PDS5B: variants seen among roughly 807,000 people sequenced by gnomAD.
The protein encoded by PDS5B is PDS5 cohesin associated factor B, also known as sister chromatid cohesion protein PDS5 homolog B.
Under a neutral mutation model 184.1 loss-of-function variants are expected in PDS5B, and 51 were observed. The observed-to-expected ratio is 0.28, with a 90% confidence interval of 0.22 to 0.35. The LOEUF is 0.35. Ranked by LOEUF, PDS5B falls within the 10% of genes least tolerant of loss-of-function variation. PDS5B has a pLI of 1.00. For synonymous variants in PDS5B, 566 were observed against 569.2 expected (o/e 0.99, Z 0.08); for missense variants, 1,180 against 1,723.3 (o/e 0.68, Z 5.58).
intron 6 of PDS5B, among the ~76,000 whole-genome samples, chr13:32,666,131 A>G (rs1048528364): frequency 3.3e-5 from 5 of 152,170 alleles, no homozygotes; most frequent in Non-Finnish European, 7.3e-5. Context: ...CCCAGGCTGG[A>G]GTGCAGTGGT....
intron 1 of PDS5B, among the ~76,000 whole-genome samples, chr13:32,598,071 TC>T (rs2140475337): frequency 6.6e-6 from 1 of 152,120 alleles, no homozygotes; most frequent in African/African-American, 2.4e-5. Flanking sequence ...TTTAATTAAA[TC>T]AAATTAATTA....
At chr13:32,605,721 T>A (rs1306183385) in intron 1 of PDS5B, among the ~76,000 whole-genome samples, 1 of 152,158 alleles carries the variant, frequency 6.6e-6, no homozygotes, top group Non-Finnish European at 1.5e-5. Context: ...TTTGTAGGTG[T>A]CTAAGGACTT....
At chr13:32,759,876 C>T (rs7987745) in intron 29 of PDS5B, among the ~76,000 whole-genome samples, 186 bp downstream of exon 29, 310 of 152,098 alleles carry the variant, frequency 2.0e-3, no homozygotes, top group African/African-American at 7.3e-3. Flanking sequence ...AGCTGAAATA[C>T]ACAAATTACT....
intron 1 of PDS5B, among the ~76,000 whole-genome samples, chr13:32,600,175 A>G (rs936997136): frequency 6.6e-6 from 1 of 152,078 alleles, no homozygotes; most frequent in Admixed American, 6.6e-5. Context: ...TTTTCTTTTA[A>G]GTCTTTGAAT....
intron 21 of PDS5B, among the ~76,000 whole-genome samples, chr13:32,737,403 A>C (rs1425769862): frequency 6.6e-6 from 1 of 152,068 alleles, no homozygotes; most frequent in African/African-American, 2.4e-5. Context: ...CAGGATTCTT[A>C]ATCTTGTTCT....
chr13:32,611,083 A>G (rs2058134455), intron 1 of PDS5B, among the ~76,000 whole-genome samples: 1 of 152,148 alleles, frequency 6.6e-6, no homozygotes, highest in African/African-American at 2.4e-5. Flanking sequence ...ATTGATCACA[A>G]ATAGGGGCAT....
chr13:32,696,792 G>C, intron 14 of PDS5B, 62 bp from the exon 15 acceptor site: 1 of 1,150,928 alleles, frequency 8.7e-7, no homozygotes, highest in South Asian at 1.3e-5. Context: ...ATTTTTTGCA[G>C]AGTATGATGA....
Position 32,687,299 on chromosome 13 carries a change from A to C in PDS5B, c.1355+14A>C, listed in dbSNP as rs756144642. ...TATTGATGATCGGTAAGTTAAGGAC[A>C]CTATAAATATTTGGTGACTTTGAAT... On this transcript the variant is annotated intron_variant, in intron 12 of 34. Coordinates refer to ENST00000315596, the MANE Select transcript of PDS5B (RefSeq NM_015032.4). 1 of 1,511,382 alleles carries C rather than the reference A, an allele frequency of 6.6e-7. No homozygotes were observed. The highest frequency in any genetic ancestry group is 2.4e-5 in the East Asian group (1 of 42,186). 93.6% of individuals were successfully genotyped at this position (1,511,382 alleles called of 1,614,324 possible).
chr13:32,725,814 G>C (rs1243501276), intron 19 of PDS5B, among the ~76,000 whole-genome samples: 1 of 152,004 alleles, frequency 6.6e-6, no homozygotes, highest in Non-Finnish European at 1.5e-5. Context: ...GATAGCAGTA[G>C]CACCACCAAT....
At chr13:32,642,783 T>G (rs559952386) in intron 1 of PDS5B, among the ~76,000 whole-genome samples, 11 of 152,292 alleles carry the variant, frequency 7.2e-5, no homozygotes, top group African/African-American at 2.4e-4. Flanking sequence ...TGTCTTTTTA[T>G]TCTGTGTATT....
Position 32,753,342 on chromosome 13 carries a change from A to G in PDS5B, c.2747A>G (p.Tyr916Cys), listed in dbSNP as rs773744529. The part of the protein sequence containing the change: ...LCALAINDEC[Y>C]QVRQVFAQKL... ...ATTGTGTCTTTACAGGATGAATGCTATCAAGTAAGACAAGTGTTTGCCCAG... is the reference window on the plus strand; with the variant it reads ...ATTGTGTCTTTACAGGATGAATGCTGTCAAGTAAGACAAGTGTTTGCCCAG... Residue 916 changes from tyrosine (Y) to cysteine (C), a missense_variant, in exon 25 of 35, where the codon TAT (tyrosine) becomes TGT (cysteine). By Grantham distance (194) the Tyr-to-Cys change is radical. Transcript: ENST00000315596. 1.9e-6 allele frequency: 3 copies of G among 1,613,182 alleles called. No individual in the cohort carries two copies. The highest frequency in any genetic ancestry group is 2.5e-6 in the Non-Finnish European group (3 of 1,179,186).
At chr13:32,601,668 T>C (rs2057976716) in intron 1 of PDS5B, among the ~76,000 whole-genome samples, 1 of 152,236 alleles carries the variant, frequency 6.6e-6, no homozygotes, top group Non-Finnish European at 1.5e-5. Flanking sequence ...TCTCAACTGC[T>C]TCTGTCTAAA....
chr13:32,706,483 G>A (rs1237622662), intron 17 of PDS5B, among the ~76,000 whole-genome samples: 1 of 151,988 alleles, frequency 6.6e-6, no homozygotes, highest in Non-Finnish European at 1.5e-5. Flanking sequence ...GTATATTTCT[G>A]ACTTTGACAG....
At chr13:32,591,652 A>G (rs992879423) in intron 1 of PDS5B, among the ~76,000 whole-genome samples, 2 of 152,202 alleles carry the variant, frequency 1.3e-5, no homozygotes, top group Admixed American at 6.5e-5. Context: ...TTAAAAAACT[A>G]TATTGCCAAT....
chr13:32,650,870 A>G (rs1348451062), intron 2 of PDS5B, among the ~76,000 whole-genome samples: 3 of 152,332 alleles, frequency 2.0e-5, no homozygotes, highest in Admixed American at 6.5e-5. Context: ...ATAAAGGACC[A>G]AGACATTTAA....
At chr13:32,759,819 T>A (rs1238591667) in intron 29 of PDS5B, 129 bp downstream of exon 29, 1 of 534,916 alleles carries the variant, frequency 1.9e-6, no homozygotes, top group Non-Finnish European at 3.3e-6. Flanking sequence ...GAATTAACGA[T>A]CTTACATTTA....
chr13:32,711,052 G>C (rs904011341), intron 19 of PDS5B, among the ~76,000 whole-genome samples: 3 of 151,710 alleles, frequency 2.0e-5, no homozygotes, highest in Non-Finnish European at 4.4e-5. Context: ...GTGTAGTGTG[G>C]TGTGATCTCA....
chr13:32,762,528 C>T (rs1210975697), intron 30 of PDS5B, among the ~76,000 whole-genome samples: 1 of 152,090 alleles, frequency 6.6e-6, no homozygotes, highest in African/African-American at 2.4e-5. Context: ...CATTTTCTAT[C>T]AAATGGTCTC....
Position 32,777,074 on chromosome 13 carries a change from T to G in PDS5B, c.*2022T>G, listed in dbSNP as rs1458945108. 6.6e-6 allele frequency: 1 copy of G among 152,082 alleles called. No individual in the cohort carries two copies. Among genetic ancestry groups the G allele is most frequent in the African/African-American group, 2.4e-5 (1 of 41,426 alleles). The allele number at this position is 152,082 out of a possible 1,614,324, so 9.4% of individuals were successfully genotyped here. On this transcript the variant is annotated 3_prime_UTR_variant, in exon 35 of 35. Transcript: ENST00000315596. ...ATAACATAAAGAATAAGGAATAGCT[T>G]TGTATTTTTGTCATTGATTAAATTG...
Sources: allele counts gnomAD v4.1 joint callset (sites outside exome capture counted in the v4.1 genomes callset), GRCh38; gene constraint gnomAD v4.1.1; transcripts MANE v1.5; gene names NCBI Gene and HGNC (gene_info 2026-07-23, HGNC 2026-07-21).